Variants in PPP2R1A observed in about 807,000 individuals in gnomAD.
The protein encoded by PPP2R1A is protein phosphatase 2 scaffold subunit Aalpha.
In PPP2R1A, 15 loss-of-function variants were observed where a neutral mutation model predicts 67.1. That is an observed-to-expected ratio of 0.22 (90% confidence interval 0.15 to 0.34). PPP2R1A has a LOEUF of 0.34. Among genes scored for constraint, PPP2R1A ranks in the 10% least tolerant of loss-of-function variants. The probability of loss-of-function intolerance (pLI) is 1.00; values close to 1 mark genes in which losing one functional copy is unlikely to be tolerated. For missense variants in PPP2R1A, 369 were observed against 775.0 expected (o/e 0.48, Z 6.22); for synonymous variants, 337 against 325.0 (o/e 1.04, Z -0.40).
chr19:52,206,876 C>G (rs1439333581), intron 3 of PPP2R1A, among the ~76,000 whole-genome samples: 2 of 151,918 alleles, frequency 1.3e-5, no homozygotes, highest in South Asian at 2.1e-4. Context: ...CCCCACTCCC[C>G]CAGTGATTGT....
At chr19:52,215,009 A>G (rs1372151680) in intron 6 of PPP2R1A, among the ~76,000 whole-genome samples, 1 of 152,154 alleles carries the variant, frequency 6.6e-6, no homozygotes, top group Non-Finnish European at 1.5e-5. Flanking sequence ...TACAGGTGTA[A>G]GCCACTACGC....
chr19:52,226,013 T>G lies in PPP2R1A; in HGVS notation c.*32T>G. On this transcript the variant is annotated 3_prime_UTR_variant, in exon 15 of 15. Coordinates refer to ENST00000322088, the MANE Select transcript of PPP2R1A (RefSeq NM_014225.6). Reference sequence around the variant, plus strand: ...AAGAGGAGCAAACACTGGCCTCTGGTGTCCACCCTCCAACCCCCACAAGTC... The same window carrying G: ...AAGAGGAGCAAACACTGGCCTCTGGGGTCCACCCTCCAACCCCCACAAGTC... 1 of 1,614,200 alleles carries G rather than the reference T, an allele frequency of 6.2e-7. No individual in the cohort carries two copies. The highest frequency in any genetic ancestry group is 1.1e-5 in the South Asian group (1 of 91,088).
chr19:52,206,921 C>T (rs180938311), intron 3 of PPP2R1A, among the ~76,000 whole-genome samples: 51 of 152,272 alleles, frequency 3.3e-4, no homozygotes, highest in Admixed American at 1.3e-3. Context: ...AATGTGGCAC[C>T]GGCAGTTGAT....
rs776374838 is a variant in PPP2R1A, at chr19:52,212,863, C to T, written c.651+30C>T. 6.3e-7 allele frequency: 1 copy of T among 1,578,370 alleles called. No homozygotes were observed. The highest frequency in any genetic ancestry group is 1.7e-4 in the Middle Eastern group (1 of 5,852). On this transcript the variant is annotated intron_variant, in intron 5 of 14. Coordinates refer to ENST00000322088, the MANE Select transcript of PPP2R1A (RefSeq NM_014225.6). The surrounding 1 kb of genome is among the most constrained non-coding windows in gnomAD (Gnocchi z 4.1). ...GTTTTGCTTCCTGGCCCTCTGCTCT[C>T]CCGTCCTTCTGGTGGTTCCTGCCCA...
At chr19:52,225,688 C>T (rs1377324619) in intron 13 of PPP2R1A, 29 bp from the exon 14 acceptor site, 1 of 1,605,714 alleles carries the variant, frequency 6.2e-7, no homozygotes, top group Non-Finnish European at 8.5e-7. Flanking sequence ...GGCTCACCCT[C>T]TCTCTCCCTG....
chr19:52,201,107 C>T (rs1009115084), intron 1 of PPP2R1A: 39 of 147,458 alleles, frequency 2.6e-4, no homozygotes, highest in Admixed American at 2.4e-3. Context: ...ACCGTTTTGA[C>T]GTGCACGTCA....
chr19:52,195,540 T>C (rs1418931367), intron 1 of PPP2R1A, among the ~76,000 whole-genome samples: 1 of 152,192 alleles, frequency 6.6e-6, no homozygotes, highest in African/African-American at 2.4e-5. Flanking sequence ...GCCTCAAAAC[T>C]GCCCCTTGGC....
chr19:52,202,152 C>T (rs946269130), intron 2 of PPP2R1A, 118 bp downstream of exon 2: 2 of 848,122 alleles, frequency 2.4e-6, no homozygotes, highest in African/African-American at 3.4e-5. Flanking sequence ...CTGTGTTAGA[C>T]ACTATGGAGT....
intron 1 of PPP2R1A, 138 bp downstream of exon 1, chr19:52,190,312 C>T (rs1273496411): frequency 1.9e-6 from 2 of 1,031,996 alleles, no homozygotes; most frequent in East Asian, 2.6e-5. Context: ...TCTTATCTCC[C>T]CGGTTGCCCG....
intron 3 of PPP2R1A, among the ~76,000 whole-genome samples, chr19:52,210,027 C>T (rs1279466120): frequency 6.6e-6 from 1 of 152,230 alleles, no homozygotes; most frequent in African/African-American, 2.4e-5. Flanking sequence ...GCCACCCCTG[C>T]CTGTCACCTT....
intron 1 of PPP2R1A, among the ~76,000 whole-genome samples, chr19:52,196,504 G>A (rs539966737): frequency 4.6e-5 from 7 of 152,176 alleles, no homozygotes; most frequent in Non-Finnish European, 1.0e-4. Flanking sequence ...GGACACAGAG[G>A]TTCTTTCCCT....
intron 1 of PPP2R1A, among the ~76,000 whole-genome samples, chr19:52,193,613 T>TCTCACTCTGTCGTCCAGGCC (rs2089472806): frequency 6.6e-6 from 1 of 151,908 alleles, no homozygotes; most frequent in African/African-American, 2.4e-5. Context: ...TGAGACAGAG[T>TCTCACTCTGTCGTCCAGGCC]CTCACTCTGT....
At chr19:52,191,731 G>A (rs1470829597) in intron 1 of PPP2R1A, among the ~76,000 whole-genome samples, 1 of 152,186 alleles carries the variant, frequency 6.6e-6, no homozygotes, top group Non-Finnish European at 1.5e-5. Context: ...CTTTTGTTCA[G>A]TAAATATATG....
chr19:52,190,272 GA>G (rs1277117388), intron 1 of PPP2R1A, 98 bp downstream of exon 1: 10 of 1,375,516 alleles, frequency 7.3e-6, no homozygotes, highest in African/African-American at 4.4e-5. Context: ...GGGAGTGGCG[GA>G]AGGGGGCGAC....
chr19:52,204,060 A>G (rs1453136265), intron 2 of PPP2R1A, among the ~76,000 whole-genome samples: 1 of 152,148 alleles, frequency 6.6e-6, no homozygotes, highest in Non-Finnish European at 1.5e-5. Context: ...ATGGAAGCTT[A>G]ATGGCAGAGG....
chr19:52,216,078 A>G lies in PPP2R1A; in HGVS notation c.993+4A>G. 1 of 1,611,678 alleles carries G rather than the reference A, an allele frequency of 6.2e-7. No homozygotes were observed. The highest frequency in any genetic ancestry group is 1.3e-5 in the African/African-American group (1 of 74,948). On this transcript the variant is annotated splice_donor_region_variant and intron_variant, in intron 8 of 14. Transcript: ENST00000322088. The surrounding 1 kb of genome is among the most constrained non-coding windows in gnomAD (Gnocchi z 4.3). ...CCAGATCTTGCCCTGCATCAAGGTA[A>G]CAGAGAGTTTGATGGGAGGAACCAA...
At chr19:52,202,698 C>A (rs1401588065) in intron 2 of PPP2R1A, among the ~76,000 whole-genome samples, 1 of 152,226 alleles carries the variant, frequency 6.6e-6, no homozygotes, top group Non-Finnish European at 1.5e-5. Context: ...TTTAACTTGA[C>A]AGCATTGGTT....
At position 52,220,147 on chromosome 19, in the gene PPP2R1A, C is replaced by T. The variant is rs375663505; in HGVS notation, c.1303-42C>T. 25 of 1,598,748 alleles carry T rather than the reference C, an allele frequency of 1.6e-5. No homozygotes were observed. The African/African-American group carries it at 2.6e-4, about 16-fold the overall frequency. ...TGGCTAGCAGCTCCCCCTGTTTGCTCTCCTGGAACGCTTACCTTGGAACCC... is the reference window on the plus strand; with the variant it reads ...TGGCTAGCAGCTCCCCCTGTTTGCTTTCCTGGAACGCTTACCTTGGAACCC... On this transcript the variant is annotated intron_variant, in intron 10 of 14. Transcript: ENST00000322088.
chr19:52,212,558 CAG>C lies in PPP2R1A; in HGVS notation c.504-123_504-122del, dbSNP rs1205621097. On this transcript the variant is annotated intron_variant, in intron 4 of 14. Transcript: ENST00000322088. This position sits in a 1 kb window ranked among gnomAD's most constrained non-coding sequence, Gnocchi z 4.1. The stretch of plus-strand genomic sequence containing the variant: ...GCTCCGTTTCATAGGGCTGGGAAGA[CAG>C]AGAGGGGGTCATCACTTGCCCAAGG... 8 of 1,136,082 alleles carry C rather than the reference CAG, an allele frequency of 7.0e-6. No homozygotes were observed. Among genetic ancestry groups the C allele is most frequent in the South Asian group, 3.0e-5 (2 of 66,106 alleles). 70.4% of individuals were successfully genotyped at this position (1,136,082 alleles called of 1,614,324 possible). A position where few individuals can be genotyped will look rare whatever the true frequency, so the allele number is the denominator to read the frequency against.
Sources: gnomAD v4.1 joint callset for allele counts (sites outside exome capture counted in the v4.1 genomes callset) on GRCh38, gnomAD v4.1.1 for gene constraint, Gnocchi (gnomAD v3.1) non-coding constraint, MANE v1.5 for transcripts, NCBI Gene and HGNC (gene_info 2026-07-23, HGNC 2026-07-21) for gene names.